The following SP3 variants were observed in gnomAD, a reference collection of about 807,000 sequenced individuals.
SP3 encodes the protein transcription factor Sp3.
In SP3, 10 loss-of-function variants were observed where a neutral mutation model predicts 70.3. The observed-to-expected ratio is 0.14, with a 90% CI of 0.09 to 0.24. The LOEUF is 0.24. SP3 is among the 10% of genes least tolerant of loss of function. The probability of loss-of-function intolerance (pLI) is 1.00; values close to 1 mark genes in which losing one functional copy is unlikely to be tolerated. For synonymous variants in SP3, 402 were observed against 333.5 expected (o/e 1.21, Z -2.24); for missense variants, 825 against 914.6 (o/e 0.90, Z 1.26).
At chr2:173,913,759 T>G (rs1367060684) in intron 5 of SP3, 2 of 152,216 alleles carry the variant, frequency 1.3e-5, no homozygotes, top group African/African-American at 2.4e-5. Flanking sequence ...TAATATGATT[T>G]AAGAATATTT....
intron 3 of SP3, among the ~76,000 whole-genome samples, chr2:173,960,634 T>C (rs765883339): frequency 5.3e-5 from 8 of 152,206 alleles, no homozygotes; most frequent in African/African-American, 9.6e-5. Context: ...GAACACTAAA[T>C]TTACAACCTA....
intron 4 of SP3, among the ~76,000 whole-genome samples, chr2:173,926,588 C>T (rs572312760): frequency 6.6e-6 from 1 of 152,128 alleles, no homozygotes; most frequent in Non-Finnish European, 1.5e-5. Flanking sequence ...CACTTGAGTC[C>T]AGGTGTTTGA....
chr2:173,964,261 G>C, intron 2 of SP3, 144 bp downstream of exon 2: 2 of 511,278 alleles, frequency 3.9e-6, no homozygotes, highest in Non-Finnish European at 6.9e-6. Flanking sequence ...CGCCTCGGGC[G>C]GGCAGCTCCC....
chr2:173,907,668 T>C lies in SP3; in HGVS notation c.*2273A>G, dbSNP rs1304211981. 1 of 152,146 alleles carries C rather than the reference T, an allele frequency of 6.6e-6. No homozygotes were observed. Among genetic ancestry groups the C allele is most frequent in the Non-Finnish European group, 1.5e-5 (1 of 67,966 alleles). 9.4% of individuals were successfully genotyped at this position (152,146 alleles called of 1,614,324 possible). On this transcript the variant is annotated 3_prime_UTR_variant, in exon 7 of 7. Coordinates refer to ENST00000310015, the MANE Select transcript of SP3 (RefSeq NM_003111.5). ...ACATCTCTACTATCATTCAAATGGT[T>C]TAATCTGACTTAATGGGCAGTTTGC... is the stretch of plus-strand genomic sequence containing the variant.
chr2:173,953,598 T>C (rs982667552), intron 4 of SP3, among the ~76,000 whole-genome samples: 2 of 152,054 alleles, frequency 1.3e-5, no homozygotes, highest in Admixed American at 6.5e-5. Flanking sequence ...AATACAAAAA[T>C]TAGCCGGATG....
Position 173,955,346 on chromosome 2 carries a change from G to C in SP3, c.1166C>G (p.Ser389Cys). Residue 389 changes from serine (S) to cysteine (C), a missense_variant, in exon 4 of 7, where the codon TCT (serine) becomes TGT (cysteine). Physicochemically the swap from Ser to Cys is moderately radical, Grantham distance 112. This residue lies in a region of SP3 where 678 missense variants were observed against 651.6 expected (regional missense o/e 1.04). Coordinates refer to ENST00000310015, the MANE Select transcript of SP3 (RefSeq NM_003111.5). ...EETQAQNIQV[S>C]TAQPVVQHLQ... ...ATGCTGTACAACAGGCTGTGCTGTA[G>C]AAACCTGAATATTCTGTGCCTGTGT... 1 of 1,614,002 alleles carries C rather than the reference G, an allele frequency of 6.2e-7. No homozygotes were observed. Among genetic ancestry groups the C allele is most frequent in the Non-Finnish European group, 8.5e-7 (1 of 1,179,998 alleles).
intron 1 of SP3, 62 bp from the exon 2 acceptor site, chr2:173,964,615 G>A: frequency 3.2e-6 from 2 of 631,166 alleles, no homozygotes; most frequent in Non-Finnish European, 5.9e-6. Context: ...GAGGGAGGGG[G>A]CCCGCGGGCC....
chr2:173,957,732 A>G (rs577976644), intron 3 of SP3, among the ~76,000 whole-genome samples: 2 of 152,158 alleles, frequency 1.3e-5, no homozygotes, highest in African/African-American at 4.8e-5. Flanking sequence ...TGTGTCTTAT[A>G]AAGATAAACT....
intron 4 of SP3, among the ~76,000 whole-genome samples, chr2:173,949,073 T>G (rs1690631096): frequency 6.6e-6 from 1 of 152,154 alleles, no homozygotes; most frequent in Non-Finnish European, 1.5e-5. Context: ...ATCTACCAAT[T>G]ACTTAAAATC....
At position 173,965,206 on chromosome 2, in the gene SP3, C is replaced by T. The variant is rs1691256083; in HGVS notation, c.-35G>A. 1 of 1,544,906 alleles carries T rather than the reference C, an allele frequency of 6.5e-7. No individual in the cohort carries two copies. Among genetic ancestry groups the T allele is most frequent in the South Asian group, 1.2e-5 (1 of 83,532 alleles). ...AGGGCACCTCAGGCGGGGCTCCCCGCCGCCTTACACATGGTGAGGAGCGAA... is the reference window on the plus strand; with the variant it reads ...AGGGCACCTCAGGCGGGGCTCCCCGTCGCCTTACACATGGTGAGGAGCGAA... On this transcript the variant is annotated 5_prime_UTR_variant, in exon 1 of 7. Coordinates refer to ENST00000310015, the MANE Select transcript of SP3 (RefSeq NM_003111.5).
rs1009282270 is a variant in SP3, at chr2:173,908,741, T to C, written c.*1200A>G. 2.0e-5 allele frequency: 3 copies of C among 152,342 alleles called. No individual in the cohort carries two copies. Among genetic ancestry groups the C allele is most frequent in the Middle Eastern group, 3.2e-3 (1 of 314 alleles). 9.4% of individuals were successfully genotyped at this position (152,342 alleles called of 1,614,324 possible). ...CAAGACCAGCAATGTAACTTTATTTTGTACATTTTTGAATTGAAAATATAA... is the reference window on the plus strand; with the variant it reads ...CAAGACCAGCAATGTAACTTTATTTCGTACATTTTTGAATTGAAAATATAA... On this transcript the variant is annotated 3_prime_UTR_variant, in exon 7 of 7. Coordinates refer to ENST00000310015, the MANE Select transcript of SP3 (RefSeq NM_003111.5).
At chr2:173,912,442 T>C (rs1049939539) in intron 6 of SP3, among the ~76,000 whole-genome samples, 37 of 152,366 alleles carry the variant, frequency 2.4e-4, no homozygotes, top group Admixed American at 1.7e-3. Context: ...GTGTTGAGCA[T>C]AGACTGATGA....
chr2:173,955,541 T>C lies in SP3; in HGVS notation c.971A>G (p.Asn324Ser). The C allele has an allele frequency of 6.2e-7, 1 of 1,614,128 alleles. No individual in the cohort carries two copies. The highest frequency in any genetic ancestry group is 1.1e-5 in the South Asian group (1 of 91,086). Reference protein sequence around the residue: ...ERVSPDINETNTDTDLFVPTS... With the variant: ...ERVSPDINETSTDTDLFVPTS... The stretch of plus-strand genomic sequence containing the variant: ...TGGCACAAATAAATCTGTATCAGTA[T>C]TAGTTTCATTAATATCAGGAGAAAC... Residue 324 changes from asparagine to serine, a missense_variant, in exon 4 of 7, where the codon AAT becomes AGT. Physicochemically the swap from Asn to Ser is conservative, Grantham distance 46. Coordinates refer to ENST00000310015, the MANE Select transcript of SP3 (RefSeq NM_003111.5).
At chr2:173,952,785 G>C (rs1353310111) in intron 4 of SP3, among the ~76,000 whole-genome samples, 1 of 152,172 alleles carries the variant, frequency 6.6e-6, no homozygotes, top group Non-Finnish European at 1.5e-5. Flanking sequence ...CATGCTAAAT[G>C]AAAGAAACCA....
chr2:173,955,952 C>T lies in SP3; in HGVS notation c.560G>A (p.Gly187Asp). The T allele has an allele frequency of 6.2e-7, 1 of 1,614,166 alleles. No homozygotes were observed. The highest frequency in any genetic ancestry group is 2.2e-5 in the East Asian group (1 of 44,882). The change falls in exon 4 of 7, where the codon GGT becomes GAT. Residue 187 changes from glycine (G) to aspartate (D), a missense_variant. By Grantham distance (94) the Gly-to-Asp change is moderately conservative (BLOSUM62 -1). Coordinates refer to ENST00000310015, the MANE Select transcript of SP3 (RefSeq NM_003111.5). ...CCCATTATCTGAAGAGCCTGTGAAA[C>T]CAATTTGAACCTGCTGACCATCTGC... ...QSADGQQVQI[G>D]FTGSSDNGGI...
intron 4 of SP3, among the ~76,000 whole-genome samples, chr2:173,949,463 G>A (rs1256606115): frequency 1.3e-5 from 2 of 151,976 alleles, no homozygotes; most frequent in African/African-American, 4.8e-5. Flanking sequence ...CACTATAGGA[G>A]AGTGAAAAGA....
intron 4 of SP3, among the ~76,000 whole-genome samples, chr2:173,951,614 G>C (rs1690714572): frequency 6.6e-6 from 1 of 152,156 alleles, no homozygotes; most frequent in Non-Finnish European, 1.5e-5. Flanking sequence ...ACCATATGAA[G>C]AGTATCTACT....
chr2:173,962,418 T>C (rs992528949), intron 3 of SP3, among the ~76,000 whole-genome samples: 2 of 152,226 alleles, frequency 1.3e-5, no homozygotes, highest in African/African-American at 4.8e-5. Context: ...ACTAGAGGGA[T>C]ACAGTTCATA....
intron 4 of SP3, among the ~76,000 whole-genome samples, chr2:173,920,668 G>A (rs1689728063): frequency 6.6e-6 from 1 of 151,962 alleles, no homozygotes; most frequent in South Asian, 2.1e-4. Context: ...TCGGCTCACT[G>A]CAACCTCTGC....
Sources: allele counts gnomAD v4.1 joint callset (sites outside exome capture counted in the v4.1 genomes callset), GRCh38; gene constraint gnomAD v4.1.1; regional missense constraint gnomAD v4.1.1; transcripts MANE v1.5; gene names NCBI Gene and HGNC (gene_info 2026-07-23, HGNC 2026-07-21).